Variants in SEMA4D observed in about 807,000 individuals in gnomAD.
SEMA4D encodes semaphorin-4D.
A neutral mutation model predicts 74.8 loss-of-function variants in SEMA4D; 22 were observed. The observed-to-expected ratio is 0.29, with a 90% CI of 0.21 to 0.42. The LOEUF (loss-of-function observed/expected upper bound fraction) is 0.42. SEMA4D is among the 10% of genes least tolerant of loss of function. SEMA4D has a pLI of 1.00. For synonymous variants in SEMA4D, 445 were observed against 463.7 expected (o/e 0.96, Z 0.52); for missense variants, 937 against 1,118.4 (o/e 0.84, Z 2.31).
chr9:89,495,028 G>A (rs1825900560), intron 1 of SEMA4D, among the ~76,000 whole-genome samples: 1 of 152,128 alleles, frequency 6.6e-6, no homozygotes, highest in South Asian at 2.1e-4. Context: ...GGCTTTGATC[G>A]AAGCCAGAAA....
At chr9:89,392,910 T>C (rs1840168150) in intron 7 of SEMA4D, among the ~76,000 whole-genome samples, 1 of 152,084 alleles carries the variant, frequency 6.6e-6, no homozygotes, top group African/African-American at 2.4e-5. Context: ...CATTTTTTGG[T>C]AGAGATGGGG....
intron 5 of SEMA4D, among the ~76,000 whole-genome samples, chr9:89,398,418 G>A (rs1391041016): frequency 2.0e-5 from 3 of 152,048 alleles, no homozygotes; most frequent in Non-Finnish European, 4.4e-5. Flanking sequence ...TCCCATCTCC[G>A]CTGAGAGCCA....
intron 1 of SEMA4D, among the ~76,000 whole-genome samples, chr9:89,480,408 C>T (rs1459849589): frequency 2.0e-5 from 3 of 152,260 alleles, no homozygotes; most frequent in Non-Finnish European, 4.4e-5. Flanking sequence ...AGTCCTGTGC[C>T]GTGCGCTCGC....
chr9:89,466,041 T>C (rs1316410410), intron 1 of SEMA4D, among the ~76,000 whole-genome samples: 1 of 152,106 alleles, frequency 6.6e-6, no homozygotes, highest in South Asian at 2.1e-4. Flanking sequence ...CTTGAGGAGA[T>C]GGTCCACCAT....
At chr9:89,467,433 A>C (rs1429981703) in intron 1 of SEMA4D, among the ~76,000 whole-genome samples, 1 of 123,870 alleles carries the variant, frequency 8.1e-6, no homozygotes, top group Non-Finnish European at 1.6e-5. Context: ...AGTTGATTTC[A>C]TTCTCCTCCT....
At chr9:89,367,236 G>A (rs1248161045) in intron 16 of SEMA4D, 4 of 152,498 alleles carry the variant, frequency 2.6e-5, no homozygotes, top group South Asian at 2.1e-4. Context: ...CACCCTCAGC[G>A]GGACAGGGCA....
At chr9:89,384,838 C>A in intron 13 of SEMA4D, 2 of 985,412 alleles carry the variant, frequency 2.0e-6, no homozygotes, top group Non-Finnish European at 2.4e-6. Context: ...CACTGAACAG[C>A]CACTTCCTGC....
chr9:89,415,979 TTTTGC>T (rs1845625086), intron 2 of SEMA4D, among the ~76,000 whole-genome samples: 1 of 152,166 alleles, frequency 6.6e-6, no homozygotes, highest in South Asian at 2.1e-4. Flanking sequence ...TATAGAAAAG[TTTTGC>T]TTTAAGTGGA....
intron 1 of SEMA4D, among the ~76,000 whole-genome samples, chr9:89,488,945 T>C (rs1464305779): frequency 1.3e-5 from 2 of 152,168 alleles, no homozygotes; most frequent in Non-Finnish European, 2.9e-5. Context: ...ACAACTCACA[T>C]ATAAGAAGAC....
rs1053404648 is a variant in SEMA4D at position 89,484,794 on chromosome 9, G to A, written c.-310+13125C>T. Among the ~76,000 whole-genome samples the A allele has an allele frequency of 6.7e-6, 1 of 150,280 alleles. No individual in the cohort carries two copies. Among genetic ancestry groups the A allele is most frequent in the South Asian group, 2.1e-4 (1 of 4,736 alleles). On this transcript the variant is annotated intron_variant, in intron 1 of 15. Coordinates refer to ENST00000422704, the MANE Select transcript of SEMA4D (RefSeq NM_001371194.2). The surrounding 1 kb of genome is among the most constrained non-coding windows in gnomAD (Gnocchi z 4.1). Reference sequence around the variant, plus strand: ...ATGGGGAATGTGTGGTGTGGTGTGTGGATGTATTGTGTGGTGGGTGTGTGG... The same window carrying A: ...ATGGGGAATGTGTGGTGTGGTGTGTAGATGTATTGTGTGGTGGGTGTGTGG...
At chr9:89,451,766 TA>T (rs35992699) in intron 2 of SEMA4D, among the ~76,000 whole-genome samples, 40 of 150,320 alleles carry the variant, frequency 2.7e-4, no homozygotes, top group East Asian at 7.8e-4. Flanking sequence ...TTTGCTCATT[TA>T]AAAAAAAAAG....
At chr9:89,428,535 G>T (rs115347193) in intron 2 of SEMA4D, among the ~76,000 whole-genome samples, 1 of 152,244 alleles carries the variant, frequency 6.6e-6, no homozygotes, top group African/African-American at 2.4e-5. Flanking sequence ...ACGAGGAACC[G>T]GCCCCTTCAT....
At chr9:89,438,520 A>T (rs1850951841) in intron 2 of SEMA4D, among the ~76,000 whole-genome samples, 1 of 152,226 alleles carries the variant, frequency 6.6e-6, no homozygotes, top group Admixed American at 6.5e-5. Context: ...ACGGGCTGAA[A>T]GCTATGCCAG....
intron 5 of SEMA4D, among the ~76,000 whole-genome samples, chr9:89,397,327 A>G (rs1841201707): frequency 6.6e-6 from 1 of 152,120 alleles, no homozygotes; most frequent in South Asian, 2.1e-4. Flanking sequence ...AGGCCTGGAG[A>G]AGTGTCCACC....
intron 2 of SEMA4D, among the ~76,000 whole-genome samples, chr9:89,437,721 C>CTG (rs1275079022): frequency 2.6e-4 from 39 of 152,206 alleles, no homozygotes; most frequent in Non-Finnish European, 5.0e-4. Context: ...AAGGTAGCAA[C>CTG]GTGACTTGAG....
intron 1 of SEMA4D, among the ~76,000 whole-genome samples, chr9:89,458,752 CAT>C (rs1046343251): frequency 1.6e-4 from 24 of 151,658 alleles, no homozygotes; most frequent in Non-Finnish European, 2.2e-4. Flanking sequence ...CACACACACA[CAT>C]ATACATATAT....
intron 2 of SEMA4D, among the ~76,000 whole-genome samples, chr9:89,409,291 G>A (rs1325871451): frequency 6.6e-6 from 1 of 152,128 alleles, no homozygotes; most frequent in Non-Finnish European, 1.5e-5. Context: ...GGGTTTTTAG[G>A]GCAGGGAAAC....
intron 9 of SEMA4D, 127 bp from the exon 10 acceptor site, chr9:89,389,174 G>A (rs1353999753): frequency 5.4e-6 from 5 of 918,336 alleles, no homozygotes; most frequent in Non-Finnish European, 6.7e-6. Context: ...CAAAGCTCGG[G>A]CAACAGGAGA....
intron 2 of SEMA4D, among the ~76,000 whole-genome samples, chr9:89,446,319 C>T (rs987438243): frequency 6.6e-6 from 1 of 152,182 alleles, no homozygotes; most frequent in Non-Finnish European, 1.5e-5. Flanking sequence ...CAACTTAGTC[C>T]CAGCTGCAGA....
Sources: allele counts gnomAD v4.1 joint callset (sites outside exome capture counted in the v4.1 genomes callset), GRCh38; gene constraint gnomAD v4.1.1; non-coding constraint Gnocchi (gnomAD v3.1); transcripts MANE v1.5; gene names NCBI Gene and HGNC (gene_info 2026-07-23, HGNC 2026-07-21).